FUT8: variants seen among roughly 807,000 people sequenced by gnomAD.
The protein encoded by FUT8 is alpha-(1,6)-fucosyltransferase.
Under a neutral mutation model 71.3 loss-of-function variants are expected in FUT8, and 29 were observed. That is an observed-to-expected ratio of 0.41 (90% CI 0.30 to 0.55). The LOEUF (loss-of-function observed/expected upper bound fraction) is 0.55, where lower values mean the gene tolerates loss of function less well. Among genes scored for constraint, FUT8 ranks in the 20% least tolerant of loss-of-function variants. The pLI, the probability that FUT8 is intolerant of heterozygous loss-of-function variation, is 0.34. For missense variants in FUT8, 544 were observed against 702.1 expected, an observed-to-expected ratio of 0.77 and a Z score of 2.55; for synonymous variants, 254 against 239.3, an observed-to-expected ratio of 1.06 and a Z score of -0.57.
At chr14:65,658,468 T>G (rs1240981222) in intron 6 of FUT8, among the ~76,000 whole-genome samples, 2 of 152,096 alleles carry the variant, frequency 1.3e-5, no homozygotes, top group African/African-American at 4.8e-5. Flanking sequence ...CACAGAAACT[T>G]GTACACTCAT....
chr14:65,695,939 T>C (rs751046715), intron 7 of FUT8, among the ~76,000 whole-genome samples: 4 of 152,120 alleles, frequency 2.6e-5, no homozygotes, highest in Non-Finnish European at 5.9e-5. Context: ...GAGCTTGCAA[T>C]ATATATTTAC....
chr14:65,524,691 T>C (rs879800065), intron 2 of FUT8, among the ~76,000 whole-genome samples: 1 of 152,222 alleles, frequency 6.6e-6, no homozygotes, highest in African/African-American at 2.4e-5. Flanking sequence ...GCCCATTCAG[T>C]ATGATGTTGG....
intron 1 of FUT8, among the ~76,000 whole-genome samples, chr14:65,433,786 T>TCTCTCTCTCTCTC: frequency 6.9e-6 from 1 of 144,976 alleles, no homozygotes; most frequent in East Asian, 2.1e-4. Flanking sequence ...CTTCTGTCTC[T>TCTCTCTCTCTCTC]TCTCTCTCTC....
intron 9 of FUT8, 123 bp downstream of exon 9, chr14:65,724,446 T>G (rs1895579473): frequency 1.6e-6 from 1 of 621,608 alleles, no homozygotes; most frequent in African/African-American, 1.9e-5. Flanking sequence ...TTTTAAAAAT[T>G]CAATGGACTA....
intron 2 of FUT8, among the ~76,000 whole-genome samples, chr14:65,474,719 A>T (rs1470815528): frequency 6.6e-6 from 1 of 152,192 alleles, no homozygotes; most frequent in South Asian, 2.1e-4. Flanking sequence ...TTATTTGCCA[A>T]GATTGAAAAA....
chr14:65,357,060 G>A, the FUT8 span, among the ~76,000 whole-genome samples: 1 of 152,242 alleles, frequency 6.6e-6, no homozygotes, highest in Non-Finnish European at 1.5e-5. Flanking sequence ...ACTTACTCTG[G>A]CGGGAGCCAG....
intron 6 of FUT8, among the ~76,000 whole-genome samples, chr14:65,635,153 G>A (rs1420612421): frequency 6.6e-6 from 1 of 152,076 alleles, no homozygotes; most frequent in Non-Finnish European, 1.5e-5. Context: ...GTCGCTGTTG[G>A]TGTATAGAGA....
chr14:65,442,554 G>A (rs2065677785), intron 1 of FUT8, among the ~76,000 whole-genome samples: 1 of 146,442 alleles, frequency 6.8e-6, no homozygotes, highest in African/African-American at 2.5e-5. Flanking sequence ...TACAGTATAG[G>A]CCCGCTGTGG....
chr14:65,669,011 G>C lies in FUT8; in HGVS notation c.598-232G>C, dbSNP rs1241164387. Among the ~76,000 whole-genome samples, 1 of 152,022 alleles carries C rather than the reference G, an allele frequency of 6.6e-6. No homozygotes were observed. Among genetic ancestry groups the C allele is most frequent in the Admixed American group, 6.6e-5 (1 of 15,242 alleles). Reference sequence around the variant, plus strand: ...TATAGACACAAATAAGAGAATAGTAGACACTGGGGCCTACTTGAGGGTGAA... The same window carrying C: ...TATAGACACAAATAAGAGAATAGTACACACTGGGGCCTACTTGAGGGTGAA... On this transcript the variant is annotated intron_variant, in intron 6 of 10. Coordinates refer to ENST00000673929, the MANE Select transcript of FUT8 (RefSeq NM_001371533.1). The surrounding 1 kb of genome is among the most constrained non-coding windows in gnomAD (Gnocchi z 4.5).
At chr14:65,617,677 G>A (rs1889354355) in intron 5 of FUT8, among the ~76,000 whole-genome samples, 1 of 152,242 alleles carries the variant, frequency 6.6e-6, no homozygotes, top group South Asian at 2.1e-4. Flanking sequence ...GGGCGTGGTG[G>A]CTCATGCCTG....
intron 10 of FUT8, among the ~76,000 whole-genome samples, chr14:65,734,812 G>A (rs1896139805): frequency 6.6e-6 from 1 of 152,092 alleles, no homozygotes; most frequent in Non-Finnish European, 1.5e-5. Flanking sequence ...TGGATTTTAG[G>A]CCTGCCTGAA....
intron 7 of FUT8, among the ~76,000 whole-genome samples, chr14:65,716,579 A>G (rs138013882): frequency 0.026 from 3,888 of 152,302 alleles, 159 homozygotes; most frequent in African/African-American, 0.089. Flanking sequence ...ATCCCAAGGC[A>G]GAAGAATTTT....
chr14:65,438,375 C>T (rs968243679), intron 1 of FUT8, among the ~76,000 whole-genome samples: 3 of 152,120 alleles, frequency 2.0e-5, no homozygotes, highest in Non-Finnish European at 2.9e-5. Flanking sequence ...CTGAAGTTCT[C>T]TTGTAGCAAG....
intron 3 of FUT8, among the ~76,000 whole-genome samples, chr14:65,588,396 C>T (rs151110767): frequency 1.2e-3 from 188 of 152,306 alleles, no homozygotes; most frequent in South Asian, 5.2e-3. Flanking sequence ...TTATTTATCT[C>T]TTCTTGCTAT....
chr14:65,602,135 C>T (rs1442860861), intron 3 of FUT8, among the ~76,000 whole-genome samples: 1 of 151,408 alleles, frequency 6.6e-6, no homozygotes, highest in Non-Finnish European at 1.5e-5. Flanking sequence ...TCCTTCCCAC[C>T]ATTTCCCCCG....
At chr14:65,465,321 C>T (rs2066026632) in intron 2 of FUT8, among the ~76,000 whole-genome samples, 3 of 152,084 alleles carry the variant, frequency 2.0e-5, no homozygotes, top group Non-Finnish European at 4.4e-5. Flanking sequence ...TTTGCTGCAT[C>T]CCACATTTAT....
intron 9 of FUT8, among the ~76,000 whole-genome samples, chr14:65,728,803 A>C (rs2139373907): frequency 6.6e-6 from 1 of 152,276 alleles, no homozygotes; most frequent in Admixed American, 6.5e-5. Flanking sequence ...GTGGATATAT[A>C]TGTATAGCCT....
chr14:65,632,459 C>T (rs1477119885), intron 6 of FUT8, among the ~76,000 whole-genome samples: 8 of 152,126 alleles, frequency 5.3e-5, no homozygotes, highest in African/African-American at 1.9e-4. Context: ...TTTTGATTTA[C>T]GTTTCCCTGA....
chr14:65,732,288 T>C (rs1028140865), intron 9 of FUT8, among the ~76,000 whole-genome samples: 1 of 152,164 alleles, frequency 6.6e-6, no homozygotes, highest in Non-Finnish European at 1.5e-5. Flanking sequence ...AAACAGCTCT[T>C]AGGGGATTAG....
Sources: gnomAD v4.1 joint callset for allele counts (sites outside exome capture counted in the v4.1 genomes callset) on GRCh38, gnomAD v4.1.1 for gene constraint, Gnocchi (gnomAD v3.1) non-coding constraint, MANE v1.5 for transcripts, NCBI Gene and HGNC (gene_info 2026-07-23, HGNC 2026-07-21) for gene names.